RORA: variants seen among roughly 807,000 people sequenced by gnomAD.
RORA encodes the protein RAR related orphan receptor A.
RORA carries 7 observed loss-of-function variants against 69.5 expected under a neutral mutation model. The observed-to-expected ratio is 0.10, with a 90% CI of 0.06 to 0.19. The LOEUF (loss-of-function observed/expected upper bound fraction) is 0.19, where lower values mean the gene tolerates loss of function less well. Ranked by LOEUF, RORA falls within the 10% of genes least tolerant of loss-of-function variation. The pLI is 1.00. For synonymous variants in RORA, 261 were observed against 240.8 expected (o/e 1.08, Z -0.78); for missense variants, 457 against 663.0 (o/e 0.69, Z 3.41).
At position 60,591,329 on chromosome 15, in the gene RORA, G is replaced by A. The variant is rs9920961; in HGVS notation, c.197-59478C>T. Among the ~76,000 whole-genome samples, 504 of 152,324 alleles carry A rather than the reference G, an allele frequency of 3.3e-3. 6 individuals carry two copies. The highest frequency in any genetic ancestry group is 0.011 in the African/African-American group (438 of 41,566). On this transcript the variant is annotated intron_variant, in intron 2 of 10. Transcript: ENST00000335670. ...CGGCGGGCGGCGTGCTGCGGGCTGAGTTTCTCCGGAGCTGTTTGCAACCGT... is the reference window on the plus strand; with the variant it reads ...CGGCGGGCGGCGTGCTGCGGGCTGAATTTCTCCGGAGCTGTTTGCAACCGT...
chr15:60,994,998 G>A (rs1304535491), intron 1 of RORA, among the ~76,000 whole-genome samples: 1 of 152,124 alleles, frequency 6.6e-6, no homozygotes, highest in African/African-American at 2.4e-5. Context: ...AGGGAGGAGT[G>A]TCTCTCTACA....
intron 1 of RORA, among the ~76,000 whole-genome samples, chr15:60,723,845 A>G (rs1040548096): frequency 1.3e-5 from 2 of 152,234 alleles, no homozygotes; most frequent in Non-Finnish European, 2.9e-5. Context: ...AAGGAGGGTG[A>G]GAGAAAGGAA....
chr15:61,101,032 GCA>G (rs2078871189), intron 1 of RORA, among the ~76,000 whole-genome samples: 1 of 152,178 alleles, frequency 6.6e-6, no homozygotes, highest in Non-Finnish European at 1.5e-5. Context: ...GCCTTAGCTT[GCA>G]CATATTAACT....
rs550810929 is a variant in RORA, at chr15:60,709,627, C to T, written c.167-30941G>A. Among the ~76,000 whole-genome samples, 14 of 151,488 alleles carry T rather than the reference C, an allele frequency of 9.2e-5. No individual in the cohort carries two copies. The South Asian group carries it at 1.3e-3, about 14-fold the overall frequency. On this transcript the variant is annotated intron_variant, in intron 1 of 10. Coordinates refer to ENST00000335670, the MANE Select transcript of RORA (RefSeq NM_134261.3). ...GCACACGTGAGGGATCTAGGTTGTG[C>T]GCTCGTCATGACAATCTAATGCTTG...
intron 1 of RORA, among the ~76,000 whole-genome samples, chr15:61,170,053 G>A (rs936227161): frequency 6.6e-6 from 1 of 152,194 alleles, no homozygotes; most frequent in African/African-American, 2.4e-5. Context: ...TCCTAGCTGT[G>A]TGACCCAAGG....
intron 1 of RORA, among the ~76,000 whole-genome samples, chr15:61,217,149 A>C (rs1034342567): frequency 6.6e-6 from 1 of 152,186 alleles, no homozygotes; most frequent in African/African-American, 2.4e-5. Flanking sequence ...CTGCAGGACA[A>C]TGTGGAAGAG....
At chr15:60,877,147 G>A (rs1281132504) in intron 1 of RORA, among the ~76,000 whole-genome samples, 1 of 152,184 alleles carries the variant, frequency 6.6e-6, no homozygotes, top group Non-Finnish European at 1.5e-5. Flanking sequence ...TTAGAAGAAA[G>A]GACATCTCAA....
chr15:61,178,347 C>T (rs767956322), intron 1 of RORA, among the ~76,000 whole-genome samples: 24 of 152,146 alleles, frequency 1.6e-4, no homozygotes, highest in South Asian at 2.1e-4. Context: ...TTGAATTATT[C>T]GGATCCAAGG....
intron 1 of RORA, among the ~76,000 whole-genome samples, chr15:60,831,784 T>C (rs1277993541): frequency 6.6e-6 from 1 of 152,188 alleles, no homozygotes; most frequent in Non-Finnish European, 1.5e-5. Context: ...AAATGGTATG[T>C]TGCAATCAAT....
At chr15:60,571,961 C>A (rs1282979855) in intron 2 of RORA, among the ~76,000 whole-genome samples, 1 of 152,104 alleles carries the variant, frequency 6.6e-6, no homozygotes, top group African/African-American at 2.4e-5. Context: ...CAGAATAATA[C>A]CTTACCTTAA....
In RORA at chr15:60,794,831, C is replaced by A. The variant is rs568181841; in HGVS notation, c.167-116145G>T. 3.0e-4 allele frequency among the ~76,000 whole-genome samples: 45 copies of A among 152,310 alleles called. 1 individual carries two copies. The South Asian group carries it at 5.2e-3, about 18-fold the overall frequency. Reference sequence around the variant, plus strand: ...GTTTAGAAGGGTGCTGTGCCTCATGCGCCCATATCCTAGGGCTCACTGCTC... The same window carrying A: ...GTTTAGAAGGGTGCTGTGCCTCATGAGCCCATATCCTAGGGCTCACTGCTC... On this transcript the variant is annotated intron_variant, in intron 1 of 10. Transcript: ENST00000335670.
chr15:61,081,697 A>G (rs1331840628), intron 1 of RORA, among the ~76,000 whole-genome samples: 1 of 151,884 alleles, frequency 6.6e-6, no homozygotes. Flanking sequence ...AGTCCCAGCT[A>G]CTGGGGAGAG....
Position 60,537,285 on chromosome 15 carries a change from G to A in RORA, c.197-5434C>T, listed in dbSNP as rs532983320. ...GGTCATGCAGGTTGTGCTCTGCCCA[G>A]TGCGGCCTAGCTGAGGGGTCAAAAG... On this transcript the variant is annotated intron_variant, in intron 2 of 10. Coordinates refer to ENST00000335670, the MANE Select transcript of RORA (RefSeq NM_134261.3). This position sits in a 1 kb window ranked among gnomAD's most constrained non-coding sequence, Gnocchi z 4.9. 2.6e-5 allele frequency among the ~76,000 whole-genome samples: 4 copies of A among 152,334 alleles called. No homozygotes were observed. Among genetic ancestry groups the A allele is most frequent in the African/African-American group, 9.6e-5 (4 of 41,562 alleles).
Position 60,500,946 on chromosome 15 carries a change from T to G in RORA, c.1294+13A>C. The G allele has an allele frequency of 1.4e-6, 2 of 1,415,982 alleles. No homozygotes were observed. Among genetic ancestry groups the G allele is most frequent in the Admixed American group, 3.7e-5 (2 of 53,796 alleles). The allele number at this position is 1,415,982 out of a possible 1,614,324, so 87.7% of individuals were successfully genotyped here. On this transcript the variant is annotated intron_variant, in intron 9 of 10. Transcript: ENST00000335670. ...ATTCGAAAACCATTTTTATTTTTATTTGGTTGTCTTACCTGCTGACATCAG... is the reference window on the plus strand; with the variant it reads ...ATTCGAAAACCATTTTTATTTTTATGTGGTTGTCTTACCTGCTGACATCAG...
At chr15:60,729,991 C>T (rs560088644) in intron 1 of RORA, among the ~76,000 whole-genome samples, 40 of 152,214 alleles carry the variant, frequency 2.6e-4, no homozygotes, top group Non-Finnish European at 5.3e-4. Context: ...GTTCTTCTCA[C>T]GACTTGTCCC....
intron 1 of RORA, among the ~76,000 whole-genome samples, chr15:60,882,770 G>T (rs568204227): frequency 3.3e-5 from 5 of 152,100 alleles, no homozygotes; most frequent in South Asian, 4.2e-4. Flanking sequence ...GTTCTGATAC[G>T]TTCAGCCAAG....
chr15:60,673,460 C>G (rs529243889), intron 2 of RORA, among the ~76,000 whole-genome samples: 43 of 152,292 alleles, frequency 2.8e-4, no homozygotes, highest in African/African-American at 9.9e-4. Context: ...CTCAGACTGG[C>G]TGATTTGAAG....
intron 1 of RORA, among the ~76,000 whole-genome samples, chr15:60,834,959 C>T (rs1367843796): frequency 1.3e-5 from 2 of 151,902 alleles, no homozygotes; most frequent in Non-Finnish European, 2.9e-5. Flanking sequence ...TCGACAAGCT[C>T]GGCATCACTG....
chr15:60,984,806 T>TTTTC (rs1894149675), intron 1 of RORA, among the ~76,000 whole-genome samples: 3 of 151,806 alleles, frequency 2.0e-5, no homozygotes, highest in Admixed American at 1.3e-4. Context: ...TATGTCTTTT[T>TTTTC]TTTTTTTTTT....
Sources: allele counts gnomAD v4.1 joint callset (sites outside exome capture counted in the v4.1 genomes callset), GRCh38; gene constraint gnomAD v4.1.1; non-coding constraint Gnocchi (gnomAD v3.1); transcripts MANE v1.5; gene names NCBI Gene and HGNC (gene_info 2026-07-23, HGNC 2026-07-21).